CUX2: variants seen among roughly 807,000 people sequenced by gnomAD.
The protein encoded by CUX2 is cut like homeobox 2.
CUX2 carries 40 observed loss-of-function variants against 144.8 expected under a neutral mutation model. The ratio of observed to expected loss-of-function variants is 0.28; its 90% CI spans 0.21 to 0.36. The LOEUF (loss-of-function observed/expected upper bound fraction) is 0.36, where lower values mean the gene tolerates loss of function less well. Among genes scored for constraint, CUX2 ranks in the 10% least tolerant of loss-of-function variants. The pLI, the probability that CUX2 is intolerant of heterozygous loss-of-function variation, is 1.00. For missense variants in CUX2, 1,615 were observed against 1,994.0 expected (o/e 0.81, Z 3.62); for synonymous variants, 827 against 875.6 (o/e 0.94, Z 0.98).
At chr12:111,294,578 AT>A (rs1292452487) in intron 6 of CUX2, among the ~76,000 whole-genome samples, 10 of 122,464 alleles carry the variant, frequency 8.2e-5, no homozygotes, top group African/African-American at 4.0e-4. Flanking sequence ...GCAAGACCCT[AT>A]CTTTTCAAAA....
Position 111,334,606 on chromosome 12 carries a change from G to C in CUX2, c.3092G>C (p.Ser1031Thr). 2.5e-6 allele frequency: 4 copies of C among 1,614,086 alleles called. No homozygotes were observed. Among genetic ancestry groups the C allele is most frequent in the Non-Finnish European group, 3.4e-6 (4 of 1,180,044 alleles). ...TTGAGCGGGAAGATGTACTCAGGCA[G>C]CCAGGCCCCAGGGGGCATCCAGGAG... ...SSLSGKMYSG[S>T]QAPGGIQEIV... The change falls in exon 19 of 22, where the codon AGC becomes ACC. Residue 1031 changes from serine (S) to threonine (T), a missense_variant. Ser to Thr is a moderately conservative substitution (Grantham distance 58, BLOSUM62 1). This residue lies in a region of CUX2 where 128 missense variants were observed against 124.4 expected (regional missense o/e 1.03). Coordinates refer to ENST00000261726, the MANE Select transcript of CUX2 (RefSeq NM_015267.4).
chr12:111,270,459 A>G (rs561113048), intron 4 of CUX2: 1 of 143,006 alleles, frequency 7.0e-6, no homozygotes, highest in Admixed American at 7.1e-5. Context: ...GTGAAGTGAG[A>G]AAAAAAAAGC....
intron 4 of CUX2, among the ~76,000 whole-genome samples, chr12:111,285,681 TCA>T (rs1885343308): frequency 6.6e-6 from 1 of 152,206 alleles, no homozygotes; most frequent in Admixed American, 6.5e-5. Flanking sequence ...GGAAATGACT[TCA>T]CCCCAGTGCC....
intron 1 of CUX2, among the ~76,000 whole-genome samples, chr12:111,167,029 G>T (rs894422368): frequency 6.6e-6 from 1 of 152,156 alleles, no homozygotes; most frequent in Non-Finnish European, 1.5e-5. Context: ...CGGGGGCTCT[G>T]CCAGTCTCCT....
At chr12:111,109,809 T>C (rs902904941) in intron 1 of CUX2, among the ~76,000 whole-genome samples, 2 of 152,160 alleles carry the variant, frequency 1.3e-5, no homozygotes, top group African/African-American at 4.8e-5. Context: ...CTGGAAACCA[T>C]TAAATTACTT....
chr12:111,145,881 A>G (rs1233332937), intron 1 of CUX2, among the ~76,000 whole-genome samples: 1 of 149,804 alleles, frequency 6.7e-6, no homozygotes, highest in Non-Finnish European at 1.5e-5. Flanking sequence ...TTTGTTTTGT[A>G]TTTTTAGTAG....
At chr12:111,224,156 C>T (rs1391616412) in intron 3 of CUX2, among the ~76,000 whole-genome samples, 3 of 152,094 alleles carry the variant, frequency 2.0e-5, no homozygotes, top group Admixed American at 2.0e-4. Flanking sequence ...CAGAGATGAC[C>T]GAGAGGACAG....
chr12:111,196,086 C>A (rs961248538), intron 1 of CUX2, among the ~76,000 whole-genome samples: 2 of 152,150 alleles, frequency 1.3e-5, no homozygotes, highest in Non-Finnish European at 2.9e-5. Context: ...CTTTTCTGGT[C>A]GTTTCGTACA....
At position 111,232,610 on chromosome 12, in the gene CUX2, A is replaced by G. The variant is rs192383785; in HGVS notation, c.222+14673A>G. Among the ~76,000 whole-genome samples the G allele has an allele frequency of 2.0e-5, 3 of 152,356 alleles. No individual in the cohort carries two copies. In the East Asian group the frequency reaches 5.8e-4, roughly 29 times the overall value. ...GATTTGAGCATCGGAGGATTTTGGT[A>G]TCCTCAGGGTGTCCTGAAATCAATT... On this transcript the variant is annotated intron_variant, in intron 3 of 21. Transcript: ENST00000261726.
rs1879555226 is a variant in CUX2 at position 111,186,720 on chromosome 12, G to C, written c.64-27480G>C. On this transcript the variant is annotated intron_variant, in intron 1 of 21. Transcript: ENST00000261726. The surrounding 1 kb of genome is among the most constrained non-coding windows in gnomAD (Gnocchi z 4.4). ...TCTCTGCGAAGTGGAGATGGTGATGGTGCATACCTGAGAGGGTCGCTGAGA... is the reference window on the plus strand; with the variant it reads ...TCTCTGCGAAGTGGAGATGGTGATGCTGCATACCTGAGAGGGTCGCTGAGA... Among the ~76,000 whole-genome samples the C allele has an allele frequency of 6.6e-6, 1 of 152,102 alleles. No homozygotes were observed. The highest frequency in any genetic ancestry group is 2.4e-5 in the African/African-American group (1 of 41,408).
intron 1 of CUX2, among the ~76,000 whole-genome samples, chr12:111,110,379 T>A (rs1354032449): frequency 6.6e-6 from 1 of 152,210 alleles, no homozygotes; most frequent in African/African-American, 2.4e-5. Flanking sequence ...GAGAGTTCAC[T>A]GAGGGACCTC....
Position 111,034,200 on chromosome 12 carries a change from T to C in CUX2, c.23T>C (p.Met8Thr). 1 of 1,400,656 alleles carries C rather than the reference T, an allele frequency of 7.1e-7. No individual in the cohort carries two copies. Among genetic ancestry groups the C allele is most frequent in the Non-Finnish European group, 9.5e-7 (1 of 1,048,054 alleles). The allele number at this position is 1,400,656 out of a possible 1,614,324, so 86.8% of individuals were successfully genotyped here. A position where few individuals can be genotyped will look rare whatever the true frequency, so the allele number is the denominator to read the frequency against. Residue 8 changes from methionine to threonine, a missense_variant, in exon 1 of 22, where the codon ATG becomes ACG. This residue lies in a region of CUX2 where 64 missense variants were observed against 64.9 expected (regional missense o/e 0.99). Coordinates refer to ENST00000261726, the MANE Select transcript of CUX2 (RefSeq NM_015267.4). The surrounding 1 kb of genome is among the most constrained non-coding windows in gnomAD (Gnocchi z 4.2). MAANVGS[M>T]FQYWKRFDLR... ...AAGATGGCCGCCAATGTGGGATCGA[T>C]GTTTCAATATTGGAAGCGATTTGAT...
chr12:111,133,005 G>A (rs1331617442), intron 1 of CUX2, among the ~76,000 whole-genome samples: 1 of 152,086 alleles, frequency 6.6e-6, no homozygotes. Context: ...CTAGGGCAGG[G>A]GCAAAATGCT....
intron 1 of CUX2, among the ~76,000 whole-genome samples, chr12:111,153,215 T>C (rs1378321849): frequency 6.6e-6 from 1 of 152,230 alleles, no homozygotes; most frequent in African/African-American, 2.4e-5. Flanking sequence ...CGTGGCATTC[T>C]TCCTGGCATT....
chr12:111,273,441 G>A (rs530308662), intron 4 of CUX2, among the ~76,000 whole-genome samples: 91 of 152,138 alleles, frequency 6.0e-4, no homozygotes, highest in African/African-American at 1.9e-3. Context: ...ATCTAGACCC[G>A]CCCCGACCCA....
intron 14 of CUX2, 126 bp downstream of exon 14, chr12:111,308,652 C>A: frequency 1.3e-6 from 1 of 786,198 alleles, no homozygotes; most frequent in Non-Finnish European, 2.0e-6. Flanking sequence ...AACAGGTGTG[C>A]ATTGATTTGG....
chr12:111,297,574 T>G (rs1416716831), intron 8 of CUX2, among the ~76,000 whole-genome samples: 1 of 152,120 alleles, frequency 6.6e-6, no homozygotes, highest in Admixed American at 6.5e-5. Context: ...AGCTCCACAC[T>G]CCAATCCTCA....
chr12:111,075,889 GAAT>G (rs1165980435), intron 1 of CUX2, among the ~76,000 whole-genome samples: 1 of 152,102 alleles, frequency 6.6e-6, no homozygotes, highest in African/African-American at 2.4e-5. Context: ...AACTGAGTCT[GAAT>G]AATAATGATG....
At chr12:111,191,306 A>ATTATTTAT (rs200077725) in intron 1 of CUX2, among the ~76,000 whole-genome samples, 245 of 146,832 alleles carry the variant, frequency 1.7e-3, no homozygotes, top group Middle Eastern at 3.5e-3. Flanking sequence ...TTATTCTTTT[A>ATTATTTAT]TTATTTATTT....
Sources: gnomAD v4.1 joint callset for allele counts (sites outside exome capture counted in the v4.1 genomes callset) on GRCh38, gnomAD v4.1.1 for gene constraint, gnomAD v4.1.1 regional missense constraint, Gnocchi (gnomAD v3.1) non-coding constraint, MANE v1.5 for transcripts, NCBI Gene and HGNC (gene_info 2026-07-23, HGNC 2026-07-21) for gene names.